The following STIMATE variants were observed in gnomAD, a reference collection of about 807,000 sequenced individuals.
STIMATE encodes the protein STIM activating enhancer.
Under a neutral mutation model 36.7 loss-of-function variants are expected in STIMATE, and 15 were observed. The ratio of observed to expected loss-of-function variants is 0.41; its 90% confidence interval spans 0.27 to 0.63. The LOEUF (loss-of-function observed/expected upper bound fraction) is 0.63, where lower values mean the gene tolerates loss of function less well. Among genes scored for constraint, STIMATE ranks in the 20% least tolerant of loss-of-function variants. The pLI is 0.32. For synonymous variants in STIMATE, 163 were observed against 162.3 expected (o/e 1.00, Z -0.03); for missense variants, 305 against 397.3 (o/e 0.77, Z 1.98).
At position 52,887,994 on chromosome 3, in the gene STIMATE, G is replaced by GTTTT. The variant is rs71087029; in HGVS notation, c.160+9293_160+9296dup. 3.2e-4 allele frequency among the ~76,000 whole-genome samples: 17 copies of GTTTT among 52,688 alleles called. 4 individuals are homozygous for GTTTT. The highest frequency in any genetic ancestry group is 3.0e-4 in the Admixed American group (1 of 3,362). The allele number at this position is 52,688 out of a possible 152,430, so 34.6% of individuals were successfully genotyped here. A position where few individuals can be genotyped will look rare whatever the true frequency, so the allele number is the denominator to read the frequency against. On this transcript the variant is annotated intron_variant, in intron 1 of 7. Transcript: ENST00000355083. ...GCTCTAACTTCATATAACAGAATCA[G>GTTTT]TTTTTTTTTTTTTTTTTTTTTTTTT...
At chr3:52,877,163 T>TTTAA (rs1297751285) in intron 1 of STIMATE, among the ~76,000 whole-genome samples, 1 of 152,202 alleles carries the variant, frequency 6.6e-6, no homozygotes, top group Non-Finnish European at 1.5e-5. Flanking sequence ...TTAACACAGC[T>TTTAA]CACGCTTTTG....
At chr3:52,859,925 T>C (rs1047692714) in intron 1 of STIMATE, among the ~76,000 whole-genome samples, 1 of 151,990 alleles carries the variant, frequency 6.6e-6, no homozygotes, top group Non-Finnish European at 1.5e-5. Flanking sequence ...CAGCCACATA[T>C]AGGAGCACCT....
At chr3:52,886,824 C>T (rs998554181) in intron 1 of STIMATE, among the ~76,000 whole-genome samples, 6 of 152,252 alleles carry the variant, frequency 3.9e-5, no homozygotes, top group Non-Finnish European at 8.8e-5. Flanking sequence ...ACACCAGGCA[C>T]CTCAGGTTAT....
At chr3:52,888,783 C>T (rs139060007) in intron 1 of STIMATE, among the ~76,000 whole-genome samples, 1 of 152,190 alleles carries the variant, frequency 6.6e-6, no homozygotes, top group Non-Finnish European at 1.5e-5. Context: ...TGTGTCCTGA[C>T]TTATTCTGCA....
chr3:52,873,696 G>C (rs992382042), intron 1 of STIMATE, among the ~76,000 whole-genome samples: 2 of 152,210 alleles, frequency 1.3e-5, no homozygotes, highest in Admixed American at 6.5e-5. Context: ...TAAGAGCCAA[G>C]AGGCGCTGGG....
chr3:52,879,203 G>A (rs1477476731), intron 1 of STIMATE, among the ~76,000 whole-genome samples: 2 of 152,146 alleles, frequency 1.3e-5, no homozygotes, highest in Admixed American at 1.3e-4. Context: ...TACAAGTTGT[G>A]TAACTAGGCA....
intron 1 of STIMATE, among the ~76,000 whole-genome samples, chr3:52,893,098 C>T (rs1313741015): frequency 6.7e-6 from 1 of 150,370 alleles, no homozygotes; most frequent in Non-Finnish European, 1.5e-5. Context: ...CTTCTAGAAA[C>T]GAAAGTGACT....
chr3:52,856,894 G>A (rs538578512), intron 1 of STIMATE, among the ~76,000 whole-genome samples: 21 of 152,352 alleles, frequency 1.4e-4, no homozygotes, highest in African/African-American at 4.8e-4. Context: ...TGCTAGGCAA[G>A]TACTTCCACA....
At chr3:52,877,938 A>G (rs921162373) in intron 1 of STIMATE, among the ~76,000 whole-genome samples, 1 of 152,128 alleles carries the variant, frequency 6.6e-6, no homozygotes, top group Non-Finnish European at 1.5e-5. Flanking sequence ...TACTAAAAAT[A>G]CAAAAAATTA....
At chr3:52,862,649 C>G (rs1701237039) in intron 1 of STIMATE, among the ~76,000 whole-genome samples, 1 of 152,070 alleles carries the variant, frequency 6.6e-6, no homozygotes, top group African/African-American at 2.4e-5. Flanking sequence ...GTGTAAGAAG[C>G]ATATAGGTGA....
chr3:52,844,295 C>T (rs1303484519), intron 5 of STIMATE, among the ~76,000 whole-genome samples: 2 of 152,236 alleles, frequency 1.3e-5, no homozygotes, highest in East Asian at 1.9e-4. Context: ...CCAAGCTGAG[C>T]CACTTGTTCT....
chr3:52,840,521 C>T lies in STIMATE; in HGVS notation c.858G>A (p.Lys286=). The T allele has an allele frequency of 6.2e-7, 1 of 1,614,036 alleles. No homozygotes were observed. The highest frequency in any genetic ancestry group is 2.2e-5 in the East Asian group (1 of 44,860). ...RLTPLKPVKK[K]KHRFGLPV Reference sequence around the variant, plus strand: ...ATACGGGTAGCCCAAAGCGGTGCTTCTTTTTCTTCACAGGCTTGAGGGGGG... The same window carrying T: ...ATACGGGTAGCCCAAAGCGGTGCTTTTTTTTCTTCACAGGCTTGAGGGGGG... Residue 286 remains lysine (K), a synonymous_variant, in exon 8 of 8, where the codon AAG becomes AAA. Coordinates refer to ENST00000355083, the MANE Select transcript of STIMATE (RefSeq NM_198563.5).
rs13082548 is a variant in STIMATE, at chr3:52,840,958, G to A, written c.769-348C>T. The stretch of plus-strand genomic sequence containing the variant: ...TGACCTCAAGTAATCCACCTGCTTC[G>A]GACTCCCAAAGTGCTGGGATTACAG... On this transcript the variant is annotated intron_variant, in intron 7 of 7. Transcript: ENST00000355083. Among the ~76,000 whole-genome samples the A allele has an allele frequency of 9.3e-3, 1,410 of 152,102 alleles. 18 individuals are homozygous for A. The highest frequency in any genetic ancestry group is 0.012 in the Non-Finnish European group (846 of 67,996).
At chr3:52,846,810 CCT>C (rs1700914681) in intron 4 of STIMATE, among the ~76,000 whole-genome samples, 1 of 152,204 alleles carries the variant, frequency 6.6e-6, no homozygotes, top group Admixed American at 6.5e-5. Context: ...TTTCCTGATT[CCT>C]GTTTCACTTG....
chr3:52,859,121 C>A (rs531318638), intron 1 of STIMATE, among the ~76,000 whole-genome samples: 1 of 148,848 alleles, frequency 6.7e-6, no homozygotes, highest in African/African-American at 2.5e-5. Flanking sequence ...AAGATTGCAC[C>A]ACTGCACTCC....
Position 52,897,167 on chromosome 3 carries a change from G to A in STIMATE, c.160+124C>T, listed in dbSNP as rs1312248825. ...CCTAGTGCAGGAATACCCAGCCTGGGTTTGCGGGGGAGGAGCAATTCGGGT... is the reference window on the plus strand; with the variant it reads ...CCTAGTGCAGGAATACCCAGCCTGGATTTGCGGGGGAGGAGCAATTCGGGT... On this transcript the variant is annotated intron_variant, in intron 1 of 7. Transcript: ENST00000355083. 8.4e-6 allele frequency: 11 copies of A among 1,307,086 alleles called. No individual in the cohort carries two copies. In the East Asian group the frequency reaches 2.9e-4, roughly 35 times the overall value. The allele number at this position is 1,307,086 out of a possible 1,614,324, so 81.0% of individuals were successfully genotyped here.
intron 1 of STIMATE, among the ~76,000 whole-genome samples, chr3:52,859,531 A>AAAATTTTTTT (rs748928249): frequency 5.3e-5 from 1 of 18,810 alleles, no homozygotes; most frequent in Non-Finnish European, 1.2e-4. Context: ...AAAAAAAAAA[A>AAAATTTTTTT]TTTTTTTTTT....
At chr3:52,882,657 A>G (rs1053122220) in intron 1 of STIMATE, among the ~76,000 whole-genome samples, 1 of 152,212 alleles carries the variant, frequency 6.6e-6, no homozygotes, top group Non-Finnish European at 1.5e-5. Context: ...CCACCCCGAA[A>G]GGAAATTTCC....
intron 1 of STIMATE, among the ~76,000 whole-genome samples, chr3:52,860,412 G>A (rs1431177776): frequency 1.3e-5 from 2 of 152,208 alleles, no homozygotes; most frequent in East Asian, 1.9e-4. Context: ...GCCAAGTCAC[G>A]AGGGTCTCGG....
Sources: allele counts gnomAD v4.1 joint callset (sites outside exome capture counted in the v4.1 genomes callset), GRCh38; gene constraint gnomAD v4.1.1; transcripts MANE v1.5; gene names NCBI Gene and HGNC (gene_info 2026-07-23, HGNC 2026-07-21).